SGCZ: variants seen among roughly 807,000 people sequenced by gnomAD.
SGCZ encodes zeta-sarcoglycan.
Under a neutral mutation model 41.3 loss-of-function variants are expected in SGCZ, and 40 were observed. That is an observed-to-expected ratio of 0.97 (90% CI 0.75 to 1.26). The LOEUF (loss-of-function observed/expected upper bound fraction) is 1.26, where lower values mean the gene tolerates loss of function less well. Ranked by LOEUF, SGCZ falls within the 50% of genes most tolerant of loss-of-function variation. The pLI, the probability that SGCZ is intolerant of heterozygous loss-of-function variation, is 0.00. For synonymous variants in SGCZ, 206 were observed against 137.5 expected (o/e 1.50, Z -3.49); for missense variants, 552 against 369.8 (o/e 1.49, Z -4.04).
At chr8:14,409,454 G>A (rs976194220) in intron 2 of SGCZ, among the ~76,000 whole-genome samples, 1 of 150,860 alleles carries the variant, frequency 6.6e-6, no homozygotes, top group African/African-American at 2.4e-5. Flanking sequence ...CTCAGCGTTT[G>A]GTAATGCTGG....
At chr8:15,122,788 G>C (rs773779170) in intron 1 of SGCZ, among the ~76,000 whole-genome samples, 1 of 152,052 alleles carries the variant, frequency 6.6e-6, no homozygotes, top group African/African-American at 2.4e-5. Context: ...AGTTCCTGTT[G>C]GTTCAATTTC....
chr8:14,659,909 G>A (rs1439449070), intron 1 of SGCZ, among the ~76,000 whole-genome samples: 3 of 152,158 alleles, frequency 2.0e-5, no homozygotes, highest in Non-Finnish European at 4.4e-5. Flanking sequence ...TATGACTGAT[G>A]TAATTCTAAA....
At chr8:14,942,135 T>G (rs1182123587) in intron 1 of SGCZ, among the ~76,000 whole-genome samples, 1 of 152,042 alleles carries the variant, frequency 6.6e-6, no homozygotes, top group Admixed American at 6.6e-5. Flanking sequence ...TAGTATGCAT[T>G]GTCTGGGTCC....
intron 1 of SGCZ, among the ~76,000 whole-genome samples, chr8:14,858,635 G>A (rs928499132): frequency 9.2e-5 from 14 of 152,050 alleles, no homozygotes; most frequent in African/African-American, 2.4e-4. Flanking sequence ...ACCTATAAAC[G>A]AACCTTTCCT....
chr8:14,151,977 TA>T (rs2116953636), intron 5 of SGCZ, among the ~76,000 whole-genome samples: 1 of 152,096 alleles, frequency 6.6e-6, no homozygotes, highest in East Asian at 1.9e-4. Flanking sequence ...TATAAAACTA[TA>T]AAAATTTAGG....
At chr8:14,598,320 C>T (rs1002252412) in intron 1 of SGCZ, among the ~76,000 whole-genome samples, 4 of 151,674 alleles carry the variant, frequency 2.6e-5, no homozygotes, top group Admixed American at 6.6e-5. Flanking sequence ...TTGCATATGT[C>T]GTTGTATACA....
chr8:14,965,627 C>A (rs1306931930), intron 1 of SGCZ, among the ~76,000 whole-genome samples: 2 of 152,054 alleles, frequency 1.3e-5, no homozygotes, highest in African/African-American at 4.8e-5. Context: ...GCATTACAGT[C>A]TTAATCAAGA....
chr8:14,094,558 C>T (rs1052647657), intron 7 of SGCZ, among the ~76,000 whole-genome samples: 2 of 152,184 alleles, frequency 1.3e-5, no homozygotes, highest in Admixed American at 6.5e-5. Context: ...GGGTTGGTTC[C>T]GAGTCCCTGC....
At chr8:14,615,514 T>G (rs1028869915) in intron 1 of SGCZ, among the ~76,000 whole-genome samples, 1 of 152,184 alleles carries the variant, frequency 6.6e-6, no homozygotes. Context: ...TTGTCTAAAG[T>G]TTTTCTTTTA....
intron 1 of SGCZ, among the ~76,000 whole-genome samples, chr8:14,821,467 G>A (rs891763596): frequency 2.0e-5 from 3 of 151,924 alleles, no homozygotes; most frequent in Non-Finnish European, 4.4e-5. Context: ...AACTCTTTAT[G>A]AGGCCAGCAT....
chr8:14,151,514 C>G (rs1405355652), intron 5 of SGCZ, among the ~76,000 whole-genome samples: 1 of 151,690 alleles, frequency 6.6e-6, no homozygotes, highest in Non-Finnish European at 1.5e-5. Flanking sequence ...GACAATTCTC[C>G]TAAAATTTTT....
chr8:14,706,453 T>C (rs1167175158), intron 1 of SGCZ, among the ~76,000 whole-genome samples: 1 of 152,154 alleles, frequency 6.6e-6, no homozygotes, highest in Non-Finnish European at 1.5e-5. Flanking sequence ...AGTGACTCTA[T>C]TCTATGCCTT....
At chr8:14,275,660 G>A (rs747638183) in intron 3 of SGCZ, among the ~76,000 whole-genome samples, 52 of 152,112 alleles carry the variant, frequency 3.4e-4, no homozygotes, top group African/African-American at 1.0e-3. Flanking sequence ...ACACTGATAG[G>A]CAACTCTGTT....
chr8:15,228,920 A>C (rs1041209524), intron 1 of SGCZ, among the ~76,000 whole-genome samples: 2 of 152,202 alleles, frequency 1.3e-5, no homozygotes, highest in African/African-American at 4.8e-5. Flanking sequence ...CAGGCTGGGC[A>C]TGGTGGCTCA....
At chr8:14,907,111 C>T (rs1249568828) in intron 1 of SGCZ, among the ~76,000 whole-genome samples, 1 of 152,056 alleles carries the variant, frequency 6.6e-6, no homozygotes, top group African/African-American at 2.4e-5. Context: ...AAATAATTTG[C>T]CTATAAACTG....
Position 14,318,939 on chromosome 8 carries a change from A to AC in SGCZ, c.336+5163dup, listed in dbSNP as rs1156775885. ...GGAAAATTCTGAGATTCACTATTAT[A>AC]CAAAAAAAAATATGAATTAGAGAGC... is the stretch of plus-strand genomic sequence containing the variant. On this transcript the variant is annotated intron_variant, in intron 3 of 7. Transcript: ENST00000382080. Among the ~76,000 whole-genome samples, 3 of 136,798 alleles carry AC rather than the reference A, an allele frequency of 2.2e-5. No homozygotes were observed. In the East Asian group the frequency reaches 7.8e-4, roughly 36 times the overall value. 89.7% of individuals were successfully genotyped at this position (136,798 alleles called of 152,430 possible).
At chr8:14,723,978 T>TC (rs1328207514) in intron 1 of SGCZ, among the ~76,000 whole-genome samples, 2 of 152,120 alleles carry the variant, frequency 1.3e-5, no homozygotes, top group Non-Finnish European at 1.5e-5. Context: ...ATGGACTAAT[T>TC]CTTAAGCAGA....
chr8:14,918,646 T>G (rs1008484088), intron 1 of SGCZ, among the ~76,000 whole-genome samples: 1 of 152,204 alleles, frequency 6.6e-6, no homozygotes, highest in African/African-American at 2.4e-5. Flanking sequence ...TCACTGAAAC[T>G]TTCTGTAAGA....
chr8:14,467,232 G>A (rs1289412879), intron 2 of SGCZ, among the ~76,000 whole-genome samples: 1 of 151,772 alleles, frequency 6.6e-6, no homozygotes, highest in Non-Finnish European at 1.5e-5. Flanking sequence ...GAAGATGCTA[G>A]TCTTTAATAC....
Sources: gnomAD v4.1 joint callset for allele counts (sites outside exome capture counted in the v4.1 genomes callset) on GRCh38, gnomAD v4.1.1 for gene constraint, MANE v1.5 for transcripts, NCBI Gene and HGNC (gene_info 2026-07-23, HGNC 2026-07-21) for gene names.